FBXW11: variants seen among roughly 807,000 people sequenced by gnomAD.
FBXW11 encodes F-box and WD repeat domain containing 11.
FBXW11 carries 19 observed loss-of-function variants against 77.6 expected under a neutral mutation model. The observed-to-expected ratio is 0.24, with a 90% CI of 0.17 to 0.36. The LOEUF (loss-of-function observed/expected upper bound fraction) is 0.36, where lower values mean the gene tolerates loss of function less well. Ranked by LOEUF, FBXW11 falls within the 10% of genes least tolerant of loss-of-function variation. The pLI is 1.00. For synonymous variants in FBXW11, 235 were observed against 249.4 expected, an observed-to-expected ratio of 0.94 and a Z score of 0.54; for missense variants, 334 against 704.2, an observed-to-expected ratio of 0.47 and a Z score of 5.95.
chr5:171,870,732 A>T lies in FBXW11; in HGVS notation c.1451+16T>A. ...ATACAGTTATAGCAGTACATCTGAA[A>T]ATCTGAAAGACATACCCATCATAGG... On this transcript the variant is annotated intron_variant, in intron 11 of 13. Coordinates refer to ENST00000517395, the MANE Select transcript of FBXW11 (RefSeq NM_001378974.1). 1.9e-6 allele frequency: 3 copies of T among 1,570,888 alleles called. No individual in the cohort carries two copies. In the Middle Eastern group the frequency reaches 5.0e-4, roughly 262 times the overall value.
At chr5:171,907,841 G>A (rs1445411574) in intron 4 of FBXW11, among the ~76,000 whole-genome samples, 1 of 152,134 alleles carries the variant, frequency 6.6e-6, no homozygotes, top group Non-Finnish European at 1.5e-5. Flanking sequence ...TCTTCTCCAA[G>A]GCTGTATACT....
Position 171,862,125 on chromosome 5 carries a change from G to GC in FBXW11, c.*2001dup, listed in dbSNP as rs769578490. 6.6e-6 allele frequency: 1 copy of GC among 152,416 alleles called. No homozygotes were observed. The highest frequency in any genetic ancestry group is 2.4e-5 in the African/African-American group (1 of 41,322). The allele number at this position is 152,416 out of a possible 1,614,324, so 9.4% of individuals were successfully genotyped here. A position where few individuals can be genotyped will look rare whatever the true frequency, so the allele number is the denominator to read the frequency against. ...TTCATTCAGAATTGCCTCCTCCCCT[G>GC]CCCCCTCCCTTCCCCCTGGGCTTTC... On this transcript the variant is annotated 3_prime_UTR_variant, in exon 14 of 14. Transcript: ENST00000517395.
intron 2 of FBXW11, among the ~76,000 whole-genome samples, chr5:171,936,924 A>G (rs1762510591): frequency 6.6e-6 from 1 of 152,248 alleles, no homozygotes; most frequent in Non-Finnish European, 1.5e-5. Flanking sequence ...CAATTCCTAG[A>G]AAAAGAAGAA....
intron 1 of FBXW11, 77 bp downstream of exon 1, chr5:172,006,380 GC>G (rs1561770470): frequency 1.5e-6 from 2 of 1,318,292 alleles, no homozygotes. Context: ...AGCCGGCCTC[GC>G]ACCGGACGTT....
intron 1 of FBXW11, among the ~76,000 whole-genome samples, chr5:171,958,361 TA>T (rs1291525772): frequency 4.6e-5 from 7 of 152,064 alleles, no homozygotes; most frequent in South Asian, 2.1e-4. Context: ...CTCCCTAAGG[TA>T]AAATCACAGG....
chr5:171,951,589 T>C lies in FBXW11; in HGVS notation c.147+6008A>G, dbSNP rs146270879. ...CTATTTTTTTTTGAAAATAAAAAAATGCTAAAGCCCTGTGATGTAGCCTCC... is the reference window on the plus strand; with the variant it reads ...CTATTTTTTTTTGAAAATAAAAAAACGCTAAAGCCCTGTGATGTAGCCTCC... On this transcript the variant is annotated intron_variant, in intron 2 of 13. Coordinates refer to ENST00000517395, the MANE Select transcript of FBXW11 (RefSeq NM_001378974.1). Among the ~76,000 whole-genome samples the C allele has an allele frequency of 2.8e-3, 425 of 151,252 alleles. 1 individual carries two copies. The highest frequency in any genetic ancestry group is 9.8e-3 in the African/African-American group (403 of 41,294).
intron 2 of FBXW11, among the ~76,000 whole-genome samples, chr5:171,929,578 G>T (rs1343445313): frequency 1.3e-5 from 2 of 151,944 alleles, no homozygotes; most frequent in Non-Finnish European, 2.9e-5. Flanking sequence ...ATGGCCGGGC[G>T]TGGTGGCTCA....
At chr5:171,950,280 T>C (rs976608988) in intron 2 of FBXW11, among the ~76,000 whole-genome samples, 2 of 152,090 alleles carry the variant, frequency 1.3e-5, no homozygotes, top group Non-Finnish European at 2.9e-5. Flanking sequence ...AATGGGTCTA[T>C]CTTCCATGAA....
chr5:171,999,271 C>T (rs183145948), intron 1 of FBXW11, among the ~76,000 whole-genome samples: 66 of 152,058 alleles, frequency 4.3e-4, no homozygotes, highest in African/African-American at 1.5e-3. Context: ...ATCCAAAATG[C>T]AAAACAAGTT....
At chr5:171,867,699 A>T (rs1757498172) in intron 13 of FBXW11, 1 of 152,228 alleles carries the variant, frequency 6.6e-6, no homozygotes, top group Non-Finnish European at 1.5e-5. Flanking sequence ...CTGCACATGG[A>T]CTTTCTTATA....
chr5:171,902,029 C>T (rs1287300904), intron 4 of FBXW11, among the ~76,000 whole-genome samples: 1 of 152,200 alleles, frequency 6.6e-6, no homozygotes, highest in African/African-American at 2.4e-5. Flanking sequence ...ATATTTCCCT[C>T]CAAGCTAGCA....
At chr5:171,938,647 C>T (rs898090753) in intron 2 of FBXW11, among the ~76,000 whole-genome samples, 6 of 152,120 alleles carry the variant, frequency 3.9e-5, no homozygotes, top group Admixed American at 1.3e-4. Context: ...ATTCCACTTA[C>T]AGGAATTCTC....
intron 1 of FBXW11, among the ~76,000 whole-genome samples, chr5:171,965,044 A>G (rs1025824947): frequency 1.3e-5 from 2 of 152,050 alleles, no homozygotes; most frequent in Non-Finnish European, 2.9e-5. Flanking sequence ...GGAAGGGGAG[A>G]AAAAAAATAA....
intron 1 of FBXW11, among the ~76,000 whole-genome samples, chr5:171,974,461 C>G (rs1382566753): frequency 6.6e-6 from 1 of 150,830 alleles, no homozygotes; most frequent in South Asian, 2.1e-4. Flanking sequence ...AAAAAATACA[C>G]ACACACACAC....
chr5:171,889,780 C>T (rs540440402), intron 7 of FBXW11, among the ~76,000 whole-genome samples: 26 of 151,634 alleles, frequency 1.7e-4, no homozygotes, highest in East Asian at 1.4e-3. Flanking sequence ...CCCAGCTACT[C>T]GGGAGGCTGA....
Position 171,868,591 on chromosome 5 carries a change from G to A in FBXW11, c.*25+19C>T. The stretch of plus-strand genomic sequence containing the variant: ...TGAATTCAATCAGCAAAATTGGAAG[G>A]GGAGAGGATAGTACTCACCTGAAAC... On this transcript the variant is annotated intron_variant, in intron 13 of 13. Coordinates refer to ENST00000517395, the MANE Select transcript of FBXW11 (RefSeq NM_001378974.1). 3 of 1,553,990 alleles carry A rather than the reference G, an allele frequency of 1.9e-6. No homozygotes were observed. Among genetic ancestry groups the A allele is most frequent in the Admixed American group, 2.0e-5 (1 of 49,926 alleles).
intron 2 of FBXW11, among the ~76,000 whole-genome samples, chr5:171,926,882 T>C (rs1761918293): frequency 6.6e-6 from 1 of 152,198 alleles, no homozygotes; most frequent in African/African-American, 2.4e-5. Flanking sequence ...AGAGGTATAA[T>C]AAATATCTAT....
At position 171,868,619 on chromosome 5, in the gene FBXW11, G is replaced by A. The variant is rs910115938; in HGVS notation, c.*16C>T. 3.1e-6 allele frequency: 5 copies of A among 1,608,912 alleles called. No homozygotes were observed. Among genetic ancestry groups the A allele is most frequent in the East Asian group, 2.2e-5 (1 of 44,840 alleles). ...AGAGGATAGTACTCACCTGAAACGGGTGAAAGTGCAGACTGTTATCTAGAG... is the reference window on the plus strand; with the variant it reads ...AGAGGATAGTACTCACCTGAAACGGATGAAAGTGCAGACTGTTATCTAGAG... On this transcript the variant is annotated 3_prime_UTR_variant, in exon 13 of 14. Transcript: ENST00000517395.
chr5:171,906,836 C>T (rs897283698), intron 4 of FBXW11, among the ~76,000 whole-genome samples: 43 of 152,298 alleles, frequency 2.8e-4, no homozygotes, highest in Middle Eastern at 3.4e-3. Context: ...GCCTTATCTA[C>T]GCTCTGTTTC....
Sources: gnomAD v4.1 joint callset for allele counts (sites outside exome capture counted in the v4.1 genomes callset) on GRCh38, gnomAD v4.1.1 for gene constraint, MANE v1.5 for transcripts, NCBI Gene and HGNC (gene_info 2026-07-23, HGNC 2026-07-21) for gene names.